CLEC1A: variants seen among roughly 807,000 people sequenced by gnomAD.
The protein encoded by CLEC1A is C-type lectin-like receptor-1.
CLEC1A carries 34 observed loss-of-function variants against 28.7 expected under a neutral mutation model. That is an observed-to-expected ratio of 1.18 (90% CI 0.90 to 1.57). CLEC1A has a LOEUF of 1.57. Ranked by LOEUF, CLEC1A falls within the 40% of genes most tolerant of loss-of-function variation. CLEC1A has a pLI of 0.00. For synonymous variants in CLEC1A, 116 were observed against 121.0 expected (o/e 0.96, Z 0.27); for missense variants, 385 against 339.5 (o/e 1.13, Z -1.05).
chr12:10,071,428 T>C lies in CLEC1A; in HGVS notation c.748A>G (p.Lys250Glu). ...TCACAGACACAACGCTTCAATTCTT[T>C]GCAGTCCTTTGAGAAGATCATCCCA... ...LNGMIFSKDC[K>E]ELKRCVCERR... The change falls in exon 6 of 6, where the codon AAA (lysine) becomes GAA (glutamate). Residue 250 changes from lysine to glutamate, a missense_variant. Physicochemically the swap from Lys to Glu is moderately conservative, Grantham distance 56. Transcript: ENST00000315330. 1.2e-6 allele frequency: 2 copies of C among 1,614,074 alleles called. No homozygotes were observed. Among genetic ancestry groups the C allele is most frequent in the Non-Finnish European group, 1.7e-6 (2 of 1,179,932 alleles).
chr12:10,095,325 T>C (rs1259591242), intron 1 of CLEC1A, among the ~76,000 whole-genome samples: 2 of 149,452 alleles, frequency 1.3e-5, no homozygotes, highest in Non-Finnish European at 3.0e-5. Context: ...TAATTTTTCA[T>C]ATTCTTTTGA....
chr12:10,073,349 G>A lies in CLEC1A; in HGVS notation c.606C>T (p.Arg202=). ...ACAGCCAGGCCTTGCCACTGTCAGGGCGCAAAAGCCCTGTCCAATAAGAGT... is the reference window on the plus strand; with the variant it reads ...ACAGCCAGGCCTTGCCACTGTCAGGACGCAAAAGCCCTGTCCAATAAGAGT... ...FFYSYWTGLL[R]PDSGKAWLWM... Residue 202 remains arginine (R), a synonymous_variant, in exon 5 of 6, where the codon CGC becomes CGT. Transcript: ENST00000315330. 1 of 1,614,054 alleles carries A rather than the reference G, an allele frequency of 6.2e-7. No individual in the cohort carries two copies. The highest frequency in any genetic ancestry group is 8.5e-7 in the Non-Finnish European group (1 of 1,179,962).
At chr12:10,096,155 T>C (rs1947773756) in intron 1 of CLEC1A, among the ~76,000 whole-genome samples, 2 of 152,146 alleles carry the variant, frequency 1.3e-5, no homozygotes, top group Non-Finnish European at 2.9e-5. Context: ...TATACGGGTG[T>C]CTTTGGACAG....
In CLEC1A at chr12:10,071,137, T is replaced by A. The variant is rs1866117819; in HGVS notation, c.*196A>T. On this transcript the variant is annotated 3_prime_UTR_variant, in exon 6 of 6. Transcript: ENST00000315330. ...TTGGTTGGTGGCATGTAAATAAGACTTCTTGTGACTGTTAAATACGTGCAT... is the reference window on the plus strand; with the variant it reads ...TTGGTTGGTGGCATGTAAATAAGACATCTTGTGACTGTTAAATACGTGCAT... The A allele has an allele frequency of 2.2e-6, 1 of 461,162 alleles. No homozygotes were observed. Among genetic ancestry groups the A allele is most frequent in the Admixed American group, 4.0e-5 (1 of 25,018 alleles). The allele number at this position is 461,162 out of a possible 1,614,324, so 28.6% of individuals were successfully genotyped here.
chr12:10,089,104 A>T lies in CLEC1A; in HGVS notation c.214+20T>A. On this transcript the variant is annotated intron_variant, in intron 2 of 5. Coordinates refer to ENST00000315330, the MANE Select transcript of CLEC1A (RefSeq NM_016511.4). ...AACCTTGGAACCAGGATCCTCCCCC[A>T]GGTCAGAGCGCAGACTTACACAAAA... is the stretch of plus-strand genomic sequence containing the variant. The T allele has an allele frequency of 6.3e-7, 1 of 1,583,390 alleles. No individual in the cohort carries two copies.
chr12:10,084,821 C>CAAAAAAAAAAAAAAAAA (rs57574014), intron 2 of CLEC1A, among the ~76,000 whole-genome samples: 36 of 83,756 alleles, frequency 4.3e-4, no homozygotes, highest in Admixed American at 6.4e-4. Context: ...GACTCTGTAT[C>CAAAAAAAAAAAAAAAAA]AAAAAAAAAA....
rs1182385926 is a variant in CLEC1A at position 10,073,423 on chromosome 12, A to G, written c.544-12T>C. 4 of 1,596,666 alleles carry G rather than the reference A, an allele frequency of 2.5e-6. No homozygotes were observed. Among genetic ancestry groups the G allele is most frequent in the Middle Eastern group, 1.7e-4 (1 of 6,026 alleles). On this transcript the variant is annotated splice_polypyrimidine_tract_variant and intron_variant, in intron 4 of 5. Coordinates refer to ENST00000315330, the MANE Select transcript of CLEC1A (RefSeq NM_016511.4). ...GACGCGGCAAATTCCTGTGAAAAGC[A>G]CATAAGAAAAGCTTTAGCTTTGGTG...
At chr12:10,080,375 T>C (rs535907547) in intron 3 of CLEC1A, among the ~76,000 whole-genome samples, 1 of 151,610 alleles carries the variant, frequency 6.6e-6, no homozygotes, top group South Asian at 2.1e-4. Flanking sequence ...ACCATTGAGG[T>C]CATTAGTTAT....
chr12:10,077,846 C>CA (rs1866286265), intron 3 of CLEC1A, among the ~76,000 whole-genome samples: 2 of 152,014 alleles, frequency 1.3e-5, no homozygotes, highest in South Asian at 4.1e-4. Flanking sequence ...GTGTATGTGT[C>CA]TGGCCCAGAA....
At chr12:10,091,252 G>A (rs2137367196) in intron 1 of CLEC1A, among the ~76,000 whole-genome samples, 1 of 152,246 alleles carries the variant, frequency 6.6e-6, no homozygotes, top group South Asian at 2.1e-4. Flanking sequence ...ACTACTGAAA[G>A]TAGTGCCTGG....
In CLEC1A at chr12:10,089,221, C is replaced by A; in HGVS notation, c.117G>T (p.Glu39Asp). The change falls in exon 2 of 6, where the codon GAG becomes GAT. Residue 39 changes from glutamate to aspartate, a missense_variant and splice_region_variant. Glu to Asp is a conservative substitution (Grantham distance 45). Coordinates refer to ENST00000315330, the MANE Select transcript of CLEC1A (RefSeq NM_016511.4). Reference sequence around the variant, plus strand: ...GCCACGTTGAAGAGGGAGCCCTGTGCTCTGCAGGGAACAGAAGAGAAAGCA... The same window carrying A: ...GCCACGTTGAAGAGGGAGCCCTGTGATCTGCAGGGAACAGAAGAGAAAGCA... ...TTRHPEPRRT[E>D]HRAPSSTWRP... 1.2e-6 allele frequency: 2 copies of A among 1,613,580 alleles called. No homozygotes were observed. Among genetic ancestry groups the A allele is most frequent in the Non-Finnish European group, 1.7e-6 (2 of 1,179,560 alleles).
Position 10,070,891 on chromosome 12 carries a change from C to T in CLEC1A, c.*442G>A, listed in dbSNP as rs11053571. ...ACAAAAAGAATTCCTTGTGTATTTG[C>T]TGGTACAATCTGGGAAGTGACTGCC... On this transcript the variant is annotated 3_prime_UTR_variant, in exon 6 of 6. Transcript: ENST00000315330. 6.5e-6 allele frequency: 1 copy of T among 153,730 alleles called. No homozygotes were observed. The highest frequency in any genetic ancestry group is 1.4e-5 in the Non-Finnish European group (1 of 69,078). 9.5% of individuals were successfully genotyped at this position (153,730 alleles called of 1,614,324 possible). A position where few individuals can be genotyped will look rare whatever the true frequency, so the allele number is the denominator to read the frequency against.
At chr12:10,089,315 A>G in intron 1 of CLEC1A, 93 bp from the exon 2 acceptor site, 1 of 1,000,294 alleles carries the variant, frequency 1.0e-6, no homozygotes. Context: ...AATTCTGCAC[A>G]AGAACAAATT....
At chr12:10,085,494 C>T (rs564469650) in intron 2 of CLEC1A, among the ~76,000 whole-genome samples, 1 of 145,798 alleles carries the variant, frequency 6.9e-6, no homozygotes, top group Admixed American at 7.0e-5. Context: ...GCCGGAGTAG[C>T]TATTCTTTTA....
chr12:10,080,859 G>C (rs1403904882), intron 3 of CLEC1A, among the ~76,000 whole-genome samples: 2 of 152,096 alleles, frequency 1.3e-5, no homozygotes, highest in East Asian at 3.9e-4. Flanking sequence ...ACTAGTCCCT[G>C]TATGTTGTTT....
chr12:10,091,658 A>AG (rs1235148605), intron 1 of CLEC1A, among the ~76,000 whole-genome samples: 3 of 151,690 alleles, frequency 2.0e-5, no homozygotes, highest in Non-Finnish European at 4.4e-5. Flanking sequence ...CAGAACATAA[A>AG]AAAAAAAAAA....
At position 10,096,149 on chromosome 12, in the gene CLEC1A, C is replaced by T. The variant is rs182312870; in HGVS notation, c.115+2659G>A. Among the ~76,000 whole-genome samples, 6 of 152,240 alleles carry T rather than the reference C, an allele frequency of 3.9e-5. No individual in the cohort carries two copies. The East Asian group carries it at 5.8e-4, about 15-fold the overall frequency. ...TAGCCCAACCCACATCCTGCATATA[C>T]GGGTGTCTTTGGACAGCTCCAAATG... is the stretch of plus-strand genomic sequence containing the variant. On this transcript the variant is annotated intron_variant, in intron 1 of 5. Coordinates refer to ENST00000315330, the MANE Select transcript of CLEC1A (RefSeq NM_016511.4).
chr12:10,073,170 A>G, intron 5 of CLEC1A, 123 bp downstream of exon 5: 2 of 690,714 alleles, frequency 2.9e-6, no homozygotes, highest in Non-Finnish European at 5.2e-6. Context: ...CCTCCTGCAA[A>G]CACAGTATCC....
chr12:10,072,233 C>T (rs891263987), intron 5 of CLEC1A, among the ~76,000 whole-genome samples: 5 of 152,242 alleles, frequency 3.3e-5, no homozygotes, highest in Admixed American at 1.3e-4. Context: ...GCTCTTGCTT[C>T]GCCTTCTGCC....
Sources: allele counts gnomAD v4.1 joint callset (sites outside exome capture counted in the v4.1 genomes callset), GRCh38; gene constraint gnomAD v4.1.1; transcripts MANE v1.5; gene names NCBI Gene and HGNC (gene_info 2026-07-23, HGNC 2026-07-21).